PRKN: variants seen among roughly 807,000 people sequenced by gnomAD.
The protein encoded by PRKN is E3 ubiquitin-protein ligase parkin.
In PRKN, 56 loss-of-function variants were observed where a neutral mutation model predicts 59.5. That is an observed-to-expected ratio of 0.94 (90% confidence interval 0.76 to 1.18). The LOEUF is 1.18. Among genes scored for constraint, PRKN ranks in the 50% most tolerant of loss-of-function variants. The pLI, the probability that PRKN is intolerant of heterozygous loss-of-function variation, is 0.00. For missense variants in PRKN, 657 were observed against 596.4 expected (o/e 1.10, Z -1.06); for synonymous variants, 250 against 222.1 (o/e 1.13, Z -1.12).
intron 1 of PRKN, among the ~76,000 whole-genome samples, chr6:162,549,639 CTT>C (rs10553695): frequency 0.6 from 73,331 of 123,072 alleles, 20,638 homozygotes; most frequent in African/African-American, 0.64. Flanking sequence ...ATGCGATAAT[CTT>C]TTTTTTTTTT....
chr6:162,020,964 A>C (rs1189682012), intron 5 of PRKN, among the ~76,000 whole-genome samples: 1 of 150,998 alleles, frequency 6.6e-6, no homozygotes, highest in Non-Finnish European at 1.5e-5. Flanking sequence ...TTAGCCGGGC[A>C]TGGTGGTGCG....
At chr6:162,605,396 G>A (rs1053729370) in intron 1 of PRKN, among the ~76,000 whole-genome samples, 1 of 152,026 alleles carries the variant, frequency 6.6e-6, no homozygotes, top group Admixed American at 6.6e-5. Context: ...TCCAATAGCA[G>A]TGAAATTTTA....
intron 9 of PRKN, among the ~76,000 whole-genome samples, chr6:161,490,301 TTTTCTTTC>T (rs1777500064): frequency 1.8e-5 from 2 of 113,938 alleles, no homozygotes; most frequent in South Asian, 7.1e-4. Context: ...ATCTCTCTAC[TTTTCTTTC>T]TTGCTTGCTT....
intron 9 of PRKN, among the ~76,000 whole-genome samples, chr6:161,432,132 A>C (rs1788673101): frequency 6.6e-6 from 1 of 152,234 alleles, no homozygotes; most frequent in Non-Finnish European, 1.5e-5. Flanking sequence ...TTTCAGCAAC[A>C]CATAATATTC....
rs1032439151 is a variant in PRKN at position 161,373,711 on chromosome 6, G to A, written c.1167+13083C>T. Among the ~76,000 whole-genome samples, 5 of 152,106 alleles carry A rather than the reference G, an allele frequency of 3.3e-5. No individual in the cohort carries two copies. Among genetic ancestry groups the A allele is most frequent in the African/African-American group, 1.2e-4 (5 of 41,448 alleles). ...TTAAACGGGCTATGCCTCTGTGCTTGCAAGGAACAAGTGTAGAGCAGGTGA... is the reference window on the plus strand; with the variant it reads ...TTAAACGGGCTATGCCTCTGTGCTTACAAGGAACAAGTGTAGAGCAGGTGA... On this transcript the variant is annotated intron_variant, in intron 10 of 11. Transcript: ENST00000366898. The surrounding 1 kb of genome is among the most constrained non-coding windows in gnomAD (Gnocchi z 4.8).
At chr6:162,371,670 C>A (rs1785777195) in intron 2 of PRKN, among the ~76,000 whole-genome samples, 1 of 152,268 alleles carries the variant, frequency 6.6e-6, no homozygotes, top group African/African-American at 2.4e-5. Flanking sequence ...TTTATGGCAT[C>A]CATTCCACAA....
intron 2 of PRKN, among the ~76,000 whole-genome samples, chr6:162,279,320 C>T (rs143386416): frequency 5.3e-4 from 77 of 144,806 alleles, no homozygotes; most frequent in African/African-American, 1.8e-3. Flanking sequence ...CCAGCCTGGA[C>T]GACAGAGACT....
chr6:162,409,491 C>G (rs899411207), intron 2 of PRKN, among the ~76,000 whole-genome samples: 1 of 152,102 alleles, frequency 6.6e-6, no homozygotes, highest in Admixed American at 6.6e-5. Flanking sequence ...CCCACCCTCA[C>G]CCCATGCACT....
intron 5 of PRKN, among the ~76,000 whole-genome samples, chr6:162,050,502 T>C (rs942836904): frequency 1.2e-4 from 18 of 152,128 alleles, no homozygotes; most frequent in Admixed American, 1.2e-3. Context: ...AATTTGGCAT[T>C]TTGTATTTCA....
At chr6:162,217,877 T>C (rs1433832600) in intron 3 of PRKN, among the ~76,000 whole-genome samples, 1 of 152,156 alleles carries the variant, frequency 6.6e-6, no homozygotes, top group Non-Finnish European at 1.5e-5. Context: ...CCTTTATCCC[T>C]GCTAACAGCA....
intron 3 of PRKN, among the ~76,000 whole-genome samples, chr6:162,231,814 A>C (rs1319388280): frequency 1.3e-5 from 2 of 152,182 alleles, no homozygotes; most frequent in Admixed American, 1.3e-4. Flanking sequence ...TACATCCCAG[A>C]GAGAGAAAAA....
intron 4 of PRKN, among the ~76,000 whole-genome samples, chr6:162,163,986 T>A (rs1388673224): frequency 6.7e-6 from 1 of 148,586 alleles, no homozygotes; most frequent in African/African-American, 2.5e-5. Context: ...GAAACTAAGA[T>A]GAAAATGAGG....
Position 161,566,159 on chromosome 6 carries a change from AATGT to A in PRKN, c.933+3192_933+3195del, listed in dbSNP as rs1369100676. Among the ~76,000 whole-genome samples the A allele has an allele frequency of 2.6e-5, 4 of 152,174 alleles. No individual in the cohort carries two copies. The highest frequency in any genetic ancestry group is 9.7e-5 in the African/African-American group (4 of 41,438). ...CTAAGTTCCCAGTTGCCAAAATTAA[AATGT>A]ATGTATTTGCAGTCTCCCACTCTTT... is the stretch of plus-strand genomic sequence containing the variant. On this transcript the variant is annotated intron_variant, in intron 8 of 11. Transcript: ENST00000366898. This position sits in a 1 kb window ranked among gnomAD's most constrained non-coding sequence, Gnocchi z 4.1.
intron 2 of PRKN, among the ~76,000 whole-genome samples, chr6:162,442,664 C>T (rs1221085442): frequency 6.6e-6 from 1 of 152,170 alleles, no homozygotes; most frequent in Non-Finnish European, 1.5e-5. Flanking sequence ...ATCGTTCACA[C>T]TTATTACGTT....
intron 2 of PRKN, among the ~76,000 whole-genome samples, chr6:162,416,764 C>A (rs1409731278): frequency 1.3e-5 from 2 of 152,118 alleles, no homozygotes; most frequent in Non-Finnish European, 2.9e-5. Context: ...TTTTACATTT[C>A]TACAAAGCAT....
chr6:161,806,441 C>T (rs139974540), intron 6 of PRKN, among the ~76,000 whole-genome samples: 148 of 152,292 alleles, frequency 9.7e-4, no homozygotes, highest in African/African-American at 3.5e-3. Context: ...AGGTTCCCTC[C>T]TTAGCAGCAA....
intron 1 of PRKN, among the ~76,000 whole-genome samples, chr6:162,562,061 T>C (rs1304460727): frequency 6.6e-6 from 1 of 151,930 alleles, no homozygotes; most frequent in East Asian, 1.9e-4. Flanking sequence ...GGAGAGGAGA[T>C]GGAGGAGTAG....
At chr6:161,698,122 G>C (rs1786098471) in intron 7 of PRKN, among the ~76,000 whole-genome samples, 1 of 152,090 alleles carries the variant, frequency 6.6e-6, no homozygotes, top group Non-Finnish European at 1.5e-5. Flanking sequence ...GATTGAAGGA[G>C]TGAATCAATT....
intron 5 of PRKN, among the ~76,000 whole-genome samples, chr6:161,985,053 C>A (rs1218043527): frequency 1.3e-5 from 2 of 152,198 alleles, no homozygotes; most frequent in African/African-American, 4.8e-5. Flanking sequence ...GCTTCCCCTG[C>A]ATTTCTCTCC....
Sources: allele counts gnomAD v4.1 joint callset (sites outside exome capture counted in the v4.1 genomes callset), GRCh38; gene constraint gnomAD v4.1.1; non-coding constraint Gnocchi (gnomAD v3.1); transcripts MANE v1.5; gene names NCBI Gene and HGNC (gene_info 2026-07-23, HGNC 2026-07-21).